The following VRK2 variants were observed in gnomAD, a reference collection of about 807,000 sequenced individuals.
VRK2 encodes the protein serine/threonine-protein kinase VRK2.
Under a neutral mutation model 57.6 loss-of-function variants are expected in VRK2, and 60 were observed. That is an observed-to-expected ratio of 1.04 (90% CI 0.85 to 1.29). The LOEUF (loss-of-function observed/expected upper bound fraction) is 1.29, where lower values mean the gene tolerates loss of function less well. VRK2 is among the 50% of genes most tolerant of loss of function. VRK2 has a pLI of 0.00. For synonymous variants in VRK2, 231 were observed against 199.2 expected (o/e 1.16, Z -1.35); for missense variants, 705 against 588.1 (o/e 1.20, Z -2.06).
chr2:58,148,251 G>A lies in VRK2; in HGVS notation c.1182+1777G>A, dbSNP rs13401674. Among the ~76,000 whole-genome samples, 706 of 151,808 alleles carry A rather than the reference G, an allele frequency of 4.7e-3. 6 individuals are homozygous for A. The highest frequency in any genetic ancestry group is 0.016 in the African/African-American group (667 of 41,464). On this transcript the variant is annotated intron_variant, in intron 12 of 12. Transcript: ENST00000340157. ...AACATGTGTATTAGTGTATTATTGC[G>A]TTTCCAATTATTCACCTGATGTCTA...
intron 7 of VRK2, among the ~76,000 whole-genome samples, chr2:58,104,190 T>A (rs1216468646): frequency 2.0e-5 from 3 of 151,776 alleles, no homozygotes; most frequent in Non-Finnish European, 4.4e-5. Flanking sequence ...CTATTTATCA[T>A]AGTAGTGGAT....
At position 58,018,245 on chromosome 2, in the gene VRK2, G is replaced by A. The variant is rs760032251; in HGVS notation, c.-438-7420G>A. 3.0e-4 allele frequency among the ~76,000 whole-genome samples: 45 copies of A among 152,182 alleles called. 1 individual carries two copies. Among genetic ancestry groups the A allele is most frequent in the East Asian group, 5.8e-4 (3 of 5,174 alleles). Reference sequence around the variant, plus strand: ...TGACCTCAGGTGATCCACCTGCCTCGGCCTCTCAAAATGCTGAGATTACAG... The same window carrying A: ...TGACCTCAGGTGATCCACCTGCCTCAGCCTCTCAAAATGCTGAGATTACAG... On this transcript the variant is annotated intron_variant, in intron 1 of 15. Transcript: ENST00000417641.
rs555815301 is a variant in VRK2 at position 58,085,434 on chromosome 2, A to T, written c.256+484A>T. On this transcript the variant is annotated intron_variant, in intron 4 of 12. Coordinates refer to ENST00000340157, the MANE Select transcript of VRK2 (RefSeq NM_006296.7). ...AATGTTAGAAACTTGAATGCTGGAA[A>T]ATTAATTGGAGCTGGATACCAAGTG... Among the ~76,000 whole-genome samples, 261 of 152,144 alleles carry T rather than the reference A, an allele frequency of 1.7e-3. 4 individuals are homozygous for T. The highest frequency in any genetic ancestry group is 0.01 in the Middle Eastern group (3 of 294).
At chr2:58,046,734 G>A (rs1161236953), upstream of VRK2, 6 of 985,446 alleles carry the variant, frequency 6.1e-6, no homozygotes, top group East Asian at 1.1e-4. Flanking sequence ...GAGAAGTTAG[G>A]CAGGTCCTAG....
At chr2:58,039,349 G>C (rs1674373258) in intron 3 of VRK2, among the ~76,000 whole-genome samples, 1 of 152,024 alleles carries the variant, frequency 6.6e-6, no homozygotes, top group African/African-American at 2.4e-5. Flanking sequence ...TTCTCTTTCA[G>C]TCTCAGTTAT....
chr2:57,942,855 G>A (rs149034812), intron 1 of VRK2, among the ~76,000 whole-genome samples: 17 of 152,262 alleles, frequency 1.1e-4, no homozygotes, highest in African/African-American at 3.4e-4. Flanking sequence ...GTCAATAACA[G>A]GCTCCTGCAT....
At chr2:58,150,730 AT>A (rs1682895015) in intron 12 of VRK2, among the ~76,000 whole-genome samples, 2 of 150,452 alleles carry the variant, frequency 1.3e-5, no homozygotes, top group South Asian at 4.2e-4. Context: ...TAAATCACTA[AT>A]TTTTTCCTTC....
chr2:58,065,325 A>T (rs1368030741), intron 2 of VRK2, among the ~76,000 whole-genome samples: 4 of 152,124 alleles, frequency 2.6e-5, no homozygotes, highest in Non-Finnish European at 5.9e-5. Context: ...TCTATTCTGC[A>T]TCACTATAGA....
intron 7 of VRK2, among the ~76,000 whole-genome samples, chr2:58,096,426 C>T (rs1573074830): frequency 1.3e-5 from 2 of 151,890 alleles, no homozygotes; most frequent in African/African-American, 2.4e-5. Flanking sequence ...CTACTTTTTT[C>T]AGAAATTGGT....
chr2:58,049,377 C>T (rs1189818382), intron 2 of VRK2, among the ~76,000 whole-genome samples: 1 of 152,132 alleles, frequency 6.6e-6, no homozygotes. Context: ...TAATTGGGCT[C>T]TACTGGAGAA....
intron 1 of VRK2, among the ~76,000 whole-genome samples, chr2:57,933,663 G>GTTT (rs34738965): frequency 2.7e-5 from 4 of 148,920 alleles, no homozygotes; most frequent in African/African-American, 9.9e-5. Context: ...TTTTTGGGTT[G>GTTT]TTTTTTTTTT....
At chr2:58,131,307 A>G (rs1388442391) in intron 8 of VRK2, among the ~76,000 whole-genome samples, 1 of 150,430 alleles carries the variant, frequency 6.6e-6, no homozygotes, top group Non-Finnish European at 1.5e-5. Flanking sequence ...CAGTTTTGTC[A>G]TATTCTTCCA....
In VRK2 at chr2:57,947,472, C is replaced by T. The variant is rs181466494; in HGVS notation, c.-439+39633C>T. ...TCACAAACTTATGGGTAATTTCCTGCCCTGGTCTTTCCAACAGCCCAGCTT... is the reference window on the plus strand; with the variant it reads ...TCACAAACTTATGGGTAATTTCCTGTCCTGGTCTTTCCAACAGCCCAGCTT... On this transcript the variant is annotated intron_variant, in intron 1 of 15. Transcript: ENST00000417641. Among the ~76,000 whole-genome samples, 217 of 152,238 alleles carry T rather than the reference C, an allele frequency of 1.4e-3. 1 individual carries two copies. Among genetic ancestry groups the T allele is most frequent in the Non-Finnish European group, 2.5e-4 (17 of 68,008 alleles).
intron 1 of VRK2, among the ~76,000 whole-genome samples, chr2:57,913,295 T>C (rs1352011965): frequency 2.0e-5 from 3 of 152,200 alleles, no homozygotes. Flanking sequence ...ACCTAGTTGG[T>C]AATAGGTATT....
chr2:58,153,239 A>G (rs1443268233), intron 12 of VRK2, among the ~76,000 whole-genome samples: 1 of 151,994 alleles, frequency 6.6e-6, no homozygotes, highest in Non-Finnish European at 1.5e-5. Flanking sequence ...TGAGCAGTTC[A>G]TTCCTTTTTA....
At chr2:57,927,026 G>GTGTT (rs1670562569) in intron 1 of VRK2, among the ~76,000 whole-genome samples, 2 of 151,202 alleles carry the variant, frequency 1.3e-5, no homozygotes. Context: ...GTGTGTGTGT[G>GTGTT]TGTGTCTGTC....
intron 1 of VRK2, among the ~76,000 whole-genome samples, chr2:57,994,363 A>C (rs1421659150): frequency 6.6e-6 from 1 of 152,204 alleles, no homozygotes; most frequent in Non-Finnish European, 1.5e-5. Context: ...CAGTGTCAAT[A>C]ATCTGGTAAA....
chr2:57,929,501 A>G (rs1558498286), intron 1 of VRK2, among the ~76,000 whole-genome samples: 1 of 152,102 alleles, frequency 6.6e-6, no homozygotes, highest in East Asian at 1.9e-4. Flanking sequence ...GCTGTCCAAG[A>G]ACCAAGGCCT....
At chr2:57,934,249 A>G (rs1045078132) in intron 1 of VRK2, among the ~76,000 whole-genome samples, 2 of 152,126 alleles carry the variant, frequency 1.3e-5, no homozygotes, top group African/African-American at 4.8e-5. Context: ...ATATATTTTT[A>G]TGTTACTAAT....
Sources: allele counts gnomAD v4.1 joint callset (sites outside exome capture counted in the v4.1 genomes callset), GRCh38; gene constraint gnomAD v4.1.1; transcripts MANE v1.5; gene names NCBI Gene and HGNC (gene_info 2026-07-23, HGNC 2026-07-21).